SKIC3: variants seen among roughly 807,000 people sequenced by gnomAD.
SKIC3 encodes superkiller complex protein 3.
the SKIC3 span, among the ~76,000 whole-genome samples, chr5:95,499,790 G>C: frequency 6.6e-6 from 1 of 151,970 alleles, no homozygotes; most frequent in Non-Finnish European, 1.5e-5. Context: ...TACTCCAAAC[G>C]AGTATTTTTA....
chr5:95,491,064 G>C, the SKIC3 span: 4 of 1,613,004 alleles, frequency 2.5e-6, no homozygotes, highest in Non-Finnish European at 3.4e-6. Context: ...ACAGTGATAA[G>C]TCTTGTTAAA....
the SKIC3 span, among the ~76,000 whole-genome samples, chr5:95,504,123 G>C: frequency 6.6e-6 from 1 of 151,210 alleles, no homozygotes; most frequent in South Asian, 2.1e-4. Flanking sequence ...GGATCACAAG[G>C]TCAGGAGCTC....
chr5:95,537,277 G>T, the SKIC3 span: 2 of 797,448 alleles, frequency 2.5e-6, no homozygotes, highest in Non-Finnish European at 4.0e-6. Flanking sequence ...CAACTTCAAC[G>T]AGGAAAAAAA....
the SKIC3 span, chr5:95,536,551 A>G: frequency 2.5e-6 from 1 of 397,912 alleles, no homozygotes; most frequent in Non-Finnish European, 4.5e-6. Context: ...TAAAAAATTC[A>G]AGACCCCCTC....
the SKIC3 span, chr5:95,525,412 T>C: frequency 3.7e-6 from 6 of 1,613,972 alleles, no homozygotes; most frequent in South Asian, 1.1e-5. Flanking sequence ...TTTCTGCTTG[T>C]AGATAGTCCT....
chr5:95,473,063 A>T, the SKIC3 span, among the ~76,000 whole-genome samples: 1 of 152,134 alleles, frequency 6.6e-6, no homozygotes, highest in Non-Finnish European at 1.5e-5. Flanking sequence ...GTGCGGTGAT[A>T]AACACATGAA....
At chr5:95,523,392 A>G in the SKIC3 span, 30 of 1,492,086 alleles carry the variant, frequency 2.0e-5, no homozygotes, top group South Asian at 3.5e-4. Context: ...CGCTCATGTA[A>G]AGTACACAAA....
chr5:95,523,192 G>T, the SKIC3 span: 2 of 1,613,464 alleles, frequency 1.2e-6, no homozygotes, highest in East Asian at 2.2e-5. Context: ...AATACAATAA[G>T]GTGCCTTACT....
At chr5:95,489,352 G>A in the SKIC3 span, among the ~76,000 whole-genome samples, 1 of 151,842 alleles carries the variant, frequency 6.6e-6, no homozygotes, top group Non-Finnish European at 1.5e-5. Flanking sequence ...GATGTATACA[G>A]ACTCGTATGC....
the SKIC3 span, among the ~76,000 whole-genome samples, chr5:95,505,934 C>T: frequency 6.6e-6 from 1 of 151,864 alleles, no homozygotes; most frequent in Non-Finnish European, 1.5e-5. Context: ...ACATTTCATA[C>T]ATTTCATAAT....
the SKIC3 span, chr5:95,516,539 G>T: frequency 1.2e-6 from 2 of 1,613,086 alleles, no homozygotes; most frequent in African/African-American, 2.7e-5. Flanking sequence ...TGTTCTGACT[G>T]GATTGATTTG....
chr5:95,490,867 T>C, the SKIC3 span: 1 of 1,610,826 alleles, frequency 6.2e-7, no homozygotes. Context: ...ATTCAAGAAA[T>C]CTGAATTAAA....
the SKIC3 span, chr5:95,548,717 T>C: frequency 2.0e-5 from 3 of 151,142 alleles, no homozygotes; most frequent in Admixed American, 6.6e-5. Flanking sequence ...CCCTGCAGAC[T>C]AAAAAGAAGA....
At chr5:95,523,344 C>T in the SKIC3 span, 410 of 1,600,100 alleles carry the variant, frequency 2.6e-4, no homozygotes, top group African/African-American at 4.9e-3. Flanking sequence ...TAAGAAAATA[C>T]TAATATTAGA....
At chr5:95,532,128 G>A in the SKIC3 span, among the ~76,000 whole-genome samples, 1 of 152,044 alleles carries the variant, frequency 6.6e-6, no homozygotes, top group Non-Finnish European at 1.5e-5. Context: ...TAAACTGCCT[G>A]TATTACAGGA....
At chr5:95,484,390 A>T in the SKIC3 span, among the ~76,000 whole-genome samples, 3 of 132,008 alleles carry the variant, frequency 2.3e-5, no homozygotes, top group Admixed American at 9.0e-5. Context: ...TCTGTTGCCC[A>T]GGCTGGAGTG....
At chr5:95,545,392 C>T in the SKIC3 span, among the ~76,000 whole-genome samples, 31 of 152,136 alleles carry the variant, frequency 2.0e-4, no homozygotes, top group Admixed American at 7.9e-4. Context: ...TTAGACTCAT[C>T]CTCATATTGC....
the SKIC3 span, among the ~76,000 whole-genome samples, chr5:95,474,143 A>T: frequency 6.6e-6 from 1 of 152,216 alleles, no homozygotes; most frequent in African/African-American, 2.4e-5. Context: ...CAGTTGACCC[A>T]ATGCAATTTA....
the SKIC3 span, among the ~76,000 whole-genome samples, chr5:95,542,175 G>A: frequency 6.6e-6 from 1 of 152,090 alleles, no homozygotes; most frequent in Non-Finnish European, 1.5e-5. Context: ...TTCATTAGAA[G>A]TGCTTCACAA....
Sources: allele counts gnomAD v4.1 joint callset (sites outside exome capture counted in the v4.1 genomes callset), GRCh38; gene constraint gnomAD v4.1.1; transcripts MANE v1.5; gene names NCBI Gene and HGNC (gene_info 2026-07-23, HGNC 2026-07-21).